Variants in FLOT2 observed in about 807,000 individuals in gnomAD.
FLOT2 encodes flotillin 2.
Under a neutral mutation model 54.9 loss-of-function variants are expected in FLOT2, and 35 were observed. That is an observed-to-expected ratio of 0.64 (90% CI 0.49 to 0.84). The LOEUF (loss-of-function observed/expected upper bound fraction) is 0.84, where lower values mean the gene tolerates loss of function less well. FLOT2 is among the 40% of genes least tolerant of loss of function. The pLI is 0.00. For missense variants in FLOT2, 464 were observed against 572.1 expected, an observed-to-expected ratio of 0.81 and a Z score of 1.93; for synonymous variants, 207 against 228.9, an observed-to-expected ratio of 0.90 and a Z score of 0.86.
At position 28,880,431 on chromosome 17, in the gene FLOT2, A is replaced by G; in HGVS notation, c.*130T>C. ...AGGAAGACAGCCAGAGATGGCCTGAACACGCAGCACTTCTGGTCCCTTCGA... is the reference window on the plus strand; with the variant it reads ...AGGAAGACAGCCAGAGATGGCCTGAGCACGCAGCACTTCTGGTCCCTTCGA... On this transcript the variant is annotated 3_prime_UTR_variant, in exon 11 of 11. Transcript: ENST00000394908. The G allele has an allele frequency of 6.6e-7, 1 of 1,516,498 alleles. No homozygotes were observed. Among genetic ancestry groups the G allele is most frequent in the East Asian group, 2.3e-5 (1 of 43,794 alleles). 93.9% of individuals were successfully genotyped at this position (1,516,498 alleles called of 1,614,324 possible).
chr17:28,880,455 G>A lies in FLOT2; in HGVS notation c.*106C>T, dbSNP rs1433253090. The A allele has an allele frequency of 1.8e-5, 27 of 1,538,330 alleles. No individual in the cohort carries two copies. Among genetic ancestry groups the A allele is most frequent in the East Asian group, 9.0e-5 (4 of 44,254 alleles). On this transcript the variant is annotated 3_prime_UTR_variant, in exon 11 of 11. Coordinates refer to ENST00000394908, the MANE Select transcript of FLOT2 (RefSeq NM_004475.3). ...AACACGCAGCACTTCTGGTCCCTTC[G>A]AGATAAGGCACCAGAGTCAGTAACG...
intron 1 of FLOT2, among the ~76,000 whole-genome samples, chr17:28,889,499 T>G (rs2152649056): frequency 6.6e-6 from 1 of 151,834 alleles, no homozygotes; most frequent in East Asian, 1.9e-4. Context: ...ACCTGGCTAA[T>G]TTTTGTATTT....
rs117741203 is a variant in FLOT2, at chr17:28,881,173, G to A, written c.1098+19C>T. On this transcript the variant is annotated intron_variant, in intron 9 of 10. Coordinates refer to ENST00000394908, the MANE Select transcript of FLOT2 (RefSeq NM_004475.3). ...CAAGGACACTTGAACCCTAGGACCCGCTTGGGTGGAAGCCTCACCTGGGGC... is the reference window on the plus strand; with the variant it reads ...CAAGGACACTTGAACCCTAGGACCCACTTGGGTGGAAGCCTCACCTGGGGC... The A allele has an allele frequency of 0.023, 37,202 of 1,607,634 alleles. 728 individuals carry two copies. The highest frequency in any genetic ancestry group is 0.025 in the Non-Finnish European group (29,443 of 1,176,274).
rs544750423 is a variant in FLOT2, at chr17:28,897,690, C to G, written c.-116G>C. ...CACCCCCAGCGGCCGGCCGCCCGCT[C>G]GCTCGCCCGCGCCCCTCTGCGGTCG... is the stretch of plus-strand genomic sequence containing the variant. On this transcript the variant is annotated 5_prime_UTR_variant, in exon 1 of 11. Transcript: ENST00000394908. The surrounding 1 kb of genome is among the most constrained non-coding windows in gnomAD (Gnocchi z 4.4). The G allele has an allele frequency of 9.8e-6, 9 of 919,600 alleles. 1 individual carries two copies. In the South Asian group the frequency reaches 3.0e-4, roughly 31 times the overall value. The allele number at this position is 919,600 out of a possible 1,614,324, so 57.0% of individuals were successfully genotyped here. A position where few individuals can be genotyped will look rare whatever the true frequency, so the allele number is the denominator to read the frequency against.
chr17:28,895,499 T>C (rs879635551), intron 1 of FLOT2, among the ~76,000 whole-genome samples: 1 of 152,074 alleles, frequency 6.6e-6, no homozygotes, highest in Non-Finnish European at 1.5e-5. Flanking sequence ...CTGACCTCAG[T>C]TGATCCTCCC....
chr17:28,889,141 G>A, intron 1 of FLOT2, 115 bp from the exon 2 acceptor site: 1 of 786,132 alleles, frequency 1.3e-6, no homozygotes, highest in Non-Finnish European at 2.2e-6. Flanking sequence ...AACGCCTACT[G>A]TTGGGTGCCT....
At chr17:28,894,144 A>G (rs1226225993) in intron 1 of FLOT2, among the ~76,000 whole-genome samples, 1 of 152,202 alleles carries the variant, frequency 6.6e-6, no homozygotes. Context: ...TGCTGGGATT[A>G]CAAGTGTGAG....
At chr17:28,886,039 G>A (rs915738564) in intron 2 of FLOT2, 8 of 596,438 alleles carry the variant, frequency 1.3e-5, no homozygotes, top group East Asian at 3.2e-5. Context: ...GACAAGCACC[G>A]ATGCCTGACG....
At chr17:28,888,810 A>AC in intron 2 of FLOT2, 135 bp downstream of exon 2, 2 of 273,026 alleles carry the variant, frequency 7.3e-6, no homozygotes, top group East Asian at 1.0e-4. Flanking sequence ...CCCCAACCCC[A>AC]CCCCTCCACC....
intron 8 of FLOT2, 72 bp downstream of exon 8, chr17:28,881,742 A>G: frequency 7.3e-7 from 1 of 1,362,214 alleles, no homozygotes; most frequent in Non-Finnish European, 1.0e-6. Flanking sequence ...TGTGGTCAGG[A>G]GAGTAGAGGG....
chr17:28,882,756 A>C lies in FLOT2; in HGVS notation c.347-65T>G. ...CAGCCAGCTGGGGAAGGGAGGAGGC[A>C]TGCATGTAGAGGTAGGGGTGCATGC... On this transcript the variant is annotated intron_variant, in intron 4 of 10. Coordinates refer to ENST00000394908, the MANE Select transcript of FLOT2 (RefSeq NM_004475.3). The surrounding 1 kb of genome is among the most constrained non-coding windows in gnomAD (Gnocchi z 5.6). The C allele has an allele frequency of 3.7e-6, 4 of 1,083,786 alleles. No homozygotes were observed. Among genetic ancestry groups the C allele is most frequent in the Non-Finnish European group, 4.2e-6 (3 of 705,960 alleles). The allele number at this position is 1,083,786 out of a possible 1,614,324, so 67.1% of individuals were successfully genotyped here.
At position 28,881,287 on chromosome 17, in the gene FLOT2, T is replaced by C. The variant is rs61730546; in HGVS notation, c.1003A>G (p.Lys335Glu). The change falls in exon 9 of 11, where the codon AAG (lysine) becomes GAG (glutamate). Residue 335 changes from lysine (K) to glutamate (E), a missense_variant. Coordinates refer to ENST00000394908, the MANE Select transcript of FLOT2 (RefSeq NM_004475.3). ...AEAAVIEAMG[K>E]AEAERMKLKA... ...AGCTTCATCCGCTCAGCCTCTGCCTTGCCCATCGCCTCGATGACTGCCGCT... is the reference window on the plus strand; with the variant it reads ...AGCTTCATCCGCTCAGCCTCTGCCTCGCCCATCGCCTCGATGACTGCCGCT... The C allele has an allele frequency of 7.7e-4, 1,245 of 1,614,150 alleles. 7 individuals are homozygous for C. In the African/African-American group the frequency reaches 0.015, roughly 20 times the overall value.
intron 1 of FLOT2, among the ~76,000 whole-genome samples, chr17:28,892,109 G>T (rs1289158772): frequency 6.6e-6 from 1 of 152,154 alleles, no homozygotes; most frequent in Admixed American, 6.6e-5. Context: ...TCTCTGACCT[G>T]GGAAGTGGGG....
At chr17:28,886,661 C>T (rs2039551827) in intron 2 of FLOT2, among the ~76,000 whole-genome samples, 1 of 152,162 alleles carries the variant, frequency 6.6e-6, no homozygotes. Flanking sequence ...CTGGCTGGGC[C>T]TCCCTAGGCA....
intron 8 of FLOT2, among the ~76,000 whole-genome samples, 192 bp from the exon 9 acceptor site, chr17:28,881,567 A>G (rs903640201): frequency 3.3e-5 from 5 of 152,340 alleles, no homozygotes; most frequent in Admixed American, 3.3e-4. Flanking sequence ...TGTAAGTGGG[A>G]GGGGACAAAC....
intron 2 of FLOT2, among the ~76,000 whole-genome samples, chr17:28,888,511 A>G (rs1339692498): frequency 6.6e-6 from 1 of 152,208 alleles, no homozygotes; most frequent in Non-Finnish European, 1.5e-5. Context: ...GGATTACCCC[A>G]GGGCCTGCAT....
At chr17:28,886,050 CCT>C in intron 2 of FLOT2, 2 of 465,336 alleles carry the variant, frequency 4.3e-6, no homozygotes, top group Non-Finnish European at 3.7e-6. Context: ...ATGCCTGACG[CCT>C]GGGGGCGGGG....
In FLOT2 at chr17:28,897,460, A is replaced by C. The variant is rs1598106577; in HGVS notation, c.49+66T>G. ...ACTCAGGCCCAGCTCTTCCCCGTGC[A>C]CTCCCCAGCCCTGCACCCACCCCGA... is the stretch of plus-strand genomic sequence containing the variant. On this transcript the variant is annotated intron_variant, in intron 1 of 10. Coordinates refer to ENST00000394908, the MANE Select transcript of FLOT2 (RefSeq NM_004475.3). This position sits in a 1 kb window ranked among gnomAD's most constrained non-coding sequence, Gnocchi z 4.4. 6.9e-7 allele frequency: 1 copy of C among 1,459,080 alleles called. No homozygotes were observed. Among genetic ancestry groups the C allele is most frequent in the Non-Finnish European group, 9.3e-7 (1 of 1,074,338 alleles). The allele number at this position is 1,459,080 out of a possible 1,614,324, so 90.4% of individuals were successfully genotyped here.
chr17:28,885,797 GC>G, intron 2 of FLOT2: 1 of 1,164,350 alleles, frequency 8.6e-7, no homozygotes, highest in Non-Finnish European at 1.3e-6. Flanking sequence ...TGTCTGCCAG[GC>G]CCCGCAGGGC....
Sources: allele counts gnomAD v4.1 joint callset (sites outside exome capture counted in the v4.1 genomes callset), GRCh38; gene constraint gnomAD v4.1.1; non-coding constraint Gnocchi (gnomAD v3.1); transcripts MANE v1.5; gene names NCBI Gene and HGNC (gene_info 2026-07-23, HGNC 2026-07-21).